FCGR2A: variants seen among roughly 807,000 people sequenced by gnomAD.
The protein encoded by FCGR2A is Fc gamma receptor IIa.
A neutral mutation model predicts 29.3 loss-of-function variants in FCGR2A; 18 were observed. The observed-to-expected ratio is 0.62, with a 90% CI of 0.43 to 0.91. The LOEUF (loss-of-function observed/expected upper bound fraction) is 0.91. Among genes scored for constraint, FCGR2A ranks in the 40% least tolerant of loss-of-function variants. The probability of loss-of-function intolerance (pLI) is 0.00; values close to 1 mark genes in which losing one functional copy is unlikely to be tolerated. For missense variants in FCGR2A, 287 were observed against 393.0 expected (o/e 0.73, Z 2.28); for synonymous variants, 126 against 144.8 (o/e 0.87, Z 0.93).
At chr1:161,509,764 A>AGT in intron 3 of FCGR2A, 56 bp from the exon 4 acceptor site, 1 of 1,605,546 alleles carries the variant, frequency 6.2e-7, no homozygotes, top group Admixed American at 1.7e-5. Flanking sequence ...TCTGAGACTG[A>AGT]AAAACCCTTG....
At chr1:161,513,809 G>T in intron 5 of FCGR2A, 86 bp from the exon 6 acceptor site, 1 of 1,598,424 alleles carries the variant, frequency 6.3e-7, no homozygotes, top group Non-Finnish European at 8.6e-7. Flanking sequence ...TTTGAGTCTG[G>T]TTATGGTTTT....
chr1:161,520,627 T>G (rs1676415177), downstream of FCGR2A, among the ~76,000 whole-genome samples: 1 of 151,094 alleles, frequency 6.6e-6, no homozygotes, highest in African/African-American at 2.4e-5. Context: ...CTTCTCAGTA[T>G]TCTACTCCTA....
chr1:161,506,851 C>T, intron 3 of FCGR2A: 3 of 638,242 alleles, frequency 4.7e-6, no homozygotes, highest in Non-Finnish European at 7.8e-6. Context: ...GTTACGAGGC[C>T]ACAAACAGCT....
chr1:161,510,558 C>T (rs1477033740), intron 4 of FCGR2A, among the ~76,000 whole-genome samples: 1 of 152,212 alleles, frequency 6.6e-6, no homozygotes, highest in African/African-American at 2.4e-5. Context: ...TAAGGGGAAT[C>T]CTTCCCTCTG....
intron 1 of FCGR2A, 147 bp downstream of exon 1, chr1:161,505,699 C>G: frequency 1.3e-6 from 1 of 760,656 alleles, no homozygotes; most frequent in Non-Finnish European, 2.3e-6. Context: ...CTTAAGTGTT[C>G]CAATGGTTCC....
Position 161,517,997 on chromosome 1 carries a change from C to T in FCGR2A, c.803C>T (p.Ala268Val). The T allele has an allele frequency of 6.2e-7, 1 of 1,613,766 alleles. No individual in the cohort carries two copies. Among genetic ancestry groups the T allele is most frequent in the Non-Finnish European group, 8.5e-7 (1 of 1,179,774 alleles). Residue 268 changes from alanine to valine, a missense_variant, in exon 7 of 7, where the codon GCC (alanine) becomes GTC (valine). Physicochemically the swap from Ala to Val is moderately conservative, Grantham distance 64. Around this residue, in one of 3 missense-constraint regions of FCGR2A, gnomAD observed 34 missense variants for 73.5 expected, o/e 0.46. Coordinates refer to ENST00000271450, the MANE Select transcript of FCGR2A (RefSeq NM_001136219.3). ...QFEPPGRQMI[A>V]IRKRQLEETN... Reference sequence around the variant, plus strand: ...CAGCCACCTGGACGTCAAATGATTGCCATCAGAAAGAGACAACTTGAAGAA... The same window carrying T: ...CAGCCACCTGGACGTCAAATGATTGTCATCAGAAAGAGACAACTTGAAGAA...
chr1:161,520,678 C>T (rs1006579054), downstream of FCGR2A, among the ~76,000 whole-genome samples: 3 of 151,046 alleles, frequency 2.0e-5, no homozygotes, highest in African/African-American at 7.3e-5. Flanking sequence ...ACTTGGATTA[C>T]TCCAATAGCC....
chr1:161,521,360 G>A (rs777959092), downstream of FCGR2A, among the ~76,000 whole-genome samples: 2 of 151,912 alleles, frequency 1.3e-5, no homozygotes, highest in East Asian at 1.9e-4. Flanking sequence ...ATTCTTTGAC[G>A]TTTGAAATCA....
chr1:161,506,797 C>A, intron 3 of FCGR2A: 1 of 1,063,574 alleles, frequency 9.4e-7, no homozygotes, highest in Non-Finnish European at 1.3e-6. Context: ...ATTTTCTCAG[C>A]ATGTGTTAGG....
intron 3 of FCGR2A, among the ~76,000 whole-genome samples, chr1:161,509,598 C>T (rs537212935): frequency 1.3e-5 from 2 of 152,316 alleles, no homozygotes; most frequent in South Asian, 2.1e-4. Context: ...TTTTAAATAT[C>T]TGCTCTGCAT....
downstream of FCGR2A, among the ~76,000 whole-genome samples, chr1:161,520,844 C>A (rs946784402): frequency 6.6e-6 from 1 of 152,026 alleles, no homozygotes; most frequent in Non-Finnish European, 1.5e-5. Flanking sequence ...AAGGCTAGAG[C>A]TTTTCCAATA....
At chr1:161,515,672 G>A (rs1334816147) in intron 6 of FCGR2A, among the ~76,000 whole-genome samples, 1 of 151,996 alleles carries the variant, frequency 6.6e-6, no homozygotes, top group African/African-American at 2.4e-5. Context: ...ACTGGCAAAT[G>A]AAAAATCTTA....
intron 5 of FCGR2A, among the ~76,000 whole-genome samples, chr1:161,512,010 G>A (rs568976984): frequency 6.6e-6 from 1 of 152,180 alleles, no homozygotes; most frequent in Non-Finnish European, 1.5e-5. Context: ...AGAGGACCTC[G>A]CTGGAGATGA....
At chr1:161,514,881 A>G (rs1374434649) in intron 6 of FCGR2A, 1 of 151,860 alleles carries the variant, frequency 6.6e-6, no homozygotes, top group Admixed American at 6.6e-5. Flanking sequence ...TCAGGTAGGT[A>G]AATTTCAGAA....
At chr1:161,512,492 C>G (rs1675864881) in intron 5 of FCGR2A, among the ~76,000 whole-genome samples, 1 of 149,658 alleles carries the variant, frequency 6.7e-6, no homozygotes. Flanking sequence ...TGATGGGGTT[C>G]AGTCTCCTCA....
At chr1:161,514,400 A>G (rs1445539978) in intron 6 of FCGR2A, among the ~76,000 whole-genome samples, 1 of 150,478 alleles carries the variant, frequency 6.6e-6, no homozygotes, top group South Asian at 2.1e-4. Context: ...GGTGTCACCC[A>G]ATTCATGAAT....
At chr1:161,515,585 G>A (rs890243753) in intron 6 of FCGR2A, among the ~76,000 whole-genome samples, 1 of 151,996 alleles carries the variant, frequency 6.6e-6, no homozygotes, top group African/African-American at 2.4e-5. Flanking sequence ...CCTTTGAGTT[G>A]TGTAAATGTT....
At chr1:161,506,741 C>G in intron 3 of FCGR2A, 150 bp downstream of exon 3, 1 of 1,397,808 alleles carries the variant, frequency 7.2e-7, no homozygotes, top group Non-Finnish European at 9.6e-7. Context: ...TTTCACCCAC[C>G]CTCTTTGCTT....
Position 161,506,563 on chromosome 1 carries a change from C to T in FCGR2A, c.336C>T (p.Ser112=), listed in dbSNP as rs201555851. 8 of 1,614,160 alleles carry T rather than the reference C, an allele frequency of 5.0e-6. No individual in the cohort carries two copies. In the African/African-American group the frequency reaches 6.7e-5, roughly 13 times the overall value. The change falls in exon 3 of 7, where the codon AGC becomes AGT. Residue 112 remains serine, a synonymous_variant. Transcript: ENST00000271450. ...YTCQTGQTSL[S]DPVHLTVLSE... is the part of the protein sequence containing the mutation. ...GCCAGACTGGCCAGACCAGCCTCAG[C>T]GACCCTGTGCATCTGACTGTGCTTT...
Sources: gnomAD v4.1 joint callset for allele counts (sites outside exome capture counted in the v4.1 genomes callset) on GRCh38, gnomAD v4.1.1 for gene constraint, gnomAD v4.1.1 regional missense constraint, MANE v1.5 for transcripts, NCBI Gene and HGNC (gene_info 2026-07-23, HGNC 2026-07-21) for gene names.